Variants in MAST4 observed in about 807,000 individuals in gnomAD.
MAST4 encodes microtubule-associated serine/threonine-protein kinase 4.
In MAST4, 89 loss-of-function variants were observed where a neutral mutation model predicts 162.7. The observed-to-expected ratio is 0.55, with a 90% CI of 0.46 to 0.65. The LOEUF (loss-of-function observed/expected upper bound fraction) is 0.65. MAST4 is among the 30% of genes least tolerant of loss of function. MAST4 has a pLI of 0.00. For missense variants in MAST4, 3,153 were observed against 3,374.0 expected, an observed-to-expected ratio of 0.93 and a Z score of 1.62; for synonymous variants, 1,479 against 1,361.1, an observed-to-expected ratio of 1.09 and a Z score of -1.91.
chr5:67,002,953 T>C (rs1158650333), intron 4 of MAST4, among the ~76,000 whole-genome samples: 1 of 149,370 alleles, frequency 6.7e-6, no homozygotes, highest in Non-Finnish European at 1.5e-5. Flanking sequence ...AGCACTGGCA[T>C]CTAGTAGGTC....
At chr5:66,890,814 A>G (rs998134209) in intron 3 of MAST4, among the ~76,000 whole-genome samples, 3 of 152,208 alleles carry the variant, frequency 2.0e-5, no homozygotes, top group Non-Finnish European at 4.4e-5. Flanking sequence ...TACCAGCTCT[A>G]TGACCTTGTG....
At chr5:67,024,405 C>T (rs1170419429) in intron 4 of MAST4, among the ~76,000 whole-genome samples, 1 of 150,358 alleles carries the variant, frequency 6.7e-6, no homozygotes, top group African/African-American at 2.5e-5. Context: ...TATATGTATA[C>T]ACATACATAA....
intron 5 of MAST4, among the ~76,000 whole-genome samples, chr5:67,067,339 A>G (rs1760369533): frequency 6.6e-6 from 1 of 152,194 alleles, no homozygotes; most frequent in African/African-American, 2.4e-5. Flanking sequence ...CTCCTCATCT[A>G]TCAAATGGAA....
intron 1 of MAST4, among the ~76,000 whole-genome samples, chr5:66,676,923 CATTG>C (rs1747986243): frequency 6.6e-6 from 1 of 152,162 alleles, no homozygotes; most frequent in Non-Finnish European, 1.5e-5. Flanking sequence ...GAAAATCACA[CATTG>C]ATTCATCATC....
intron 26 of MAST4, 127 bp downstream of exon 26, chr5:67,153,707 G>A (rs1238512409): frequency 1.1e-6 from 1 of 900,892 alleles, no homozygotes; most frequent in Non-Finnish European, 1.6e-6. Flanking sequence ...TTAGTCTCAA[G>A]TTTAAAGACA....
In MAST4 at chr5:67,038,902, A is replaced by G. The variant is rs538745443; in HGVS notation, c.675-15502A>G. On this transcript the variant is annotated intron_variant, in intron 4 of 28. Transcript: ENST00000403625. Reference sequence around the variant, plus strand: ...GCCTTTTGTAATAAATAGTCACTGAAGCTAGTATCTTAAGACCCAGGGCTC... The same window carrying G: ...GCCTTTTGTAATAAATAGTCACTGAGGCTAGTATCTTAAGACCCAGGGCTC... Among the ~76,000 whole-genome samples, 146 of 152,284 alleles carry G rather than the reference A, an allele frequency of 9.6e-4. 1 individual carries two copies. Among genetic ancestry groups the G allele is most frequent in the East Asian group, 7.7e-4 (4 of 5,184 alleles).
chr5:67,026,703 G>T (rs1323484592), intron 4 of MAST4, among the ~76,000 whole-genome samples: 2 of 152,142 alleles, frequency 1.3e-5, no homozygotes, highest in African/African-American at 4.8e-5. Context: ...ATCAGCATGA[G>T]ACAGAATAAT....
At chr5:66,837,285 T>C (rs1216061969) in intron 3 of MAST4, among the ~76,000 whole-genome samples, 2 of 152,160 alleles carry the variant, frequency 1.3e-5, no homozygotes, top group Admixed American at 6.5e-5. Flanking sequence ...TTTTTCTTCA[T>C]CATTATCATC....
intron 1 of MAST4, among the ~76,000 whole-genome samples, chr5:66,606,793 A>G (rs1203178930): frequency 6.6e-6 from 1 of 152,186 alleles, no homozygotes; most frequent in Non-Finnish European, 1.5e-5. Context: ...AATACATTAC[A>G]CAAAATCGCA....
In MAST4 at chr5:66,766,691, T is replaced by G. The variant is rs192743661; in HGVS notation, c.517+6829T>G. ...TGAAATAATTCAGATTAAAGATAATTTATATAAAGTATGGCTGTTTTATGG... is the reference window on the plus strand; with the variant it reads ...TGAAATAATTCAGATTAAAGATAATGTATATAAAGTATGGCTGTTTTATGG... On this transcript the variant is annotated intron_variant, in intron 2 of 28. Transcript: ENST00000403625. Among the ~76,000 whole-genome samples the G allele has an allele frequency of 9.2e-5, 14 of 152,284 alleles. No individual in the cohort carries two copies. In the East Asian group the frequency reaches 2.5e-3, roughly 27 times the overall value.
At chr5:67,034,406 C>A (rs749857365) in intron 4 of MAST4, among the ~76,000 whole-genome samples, 1 of 152,218 alleles carries the variant, frequency 6.6e-6, no homozygotes, top group East Asian at 1.9e-4. Context: ...GTAGGGGTTA[C>A]GTAACAATGA....
chr5:67,134,771 C>A (rs1336210778), intron 18 of MAST4, 83 bp downstream of exon 18: 1 of 1,143,700 alleles, frequency 8.7e-7, no homozygotes, highest in South Asian at 1.7e-5. Flanking sequence ...ACAGTTTTTA[C>A]TACTAAAATG....
Position 67,165,338 on chromosome 5 carries a change from C to A in MAST4, c.6159C>A (p.Pro2053=), listed in dbSNP as rs759983649. 1.2e-6 allele frequency: 2 copies of A among 1,613,640 alleles called. No individual in the cohort carries two copies. Among genetic ancestry groups the A allele is most frequent in the Non-Finnish European group, 1.7e-6 (2 of 1,179,886 alleles). ...NHKDGPGEAR[P]PPRDNSSLHS... ...AAGATGGCCCAGGTGAGGCGAGGCC[C>A]CCGCCCAGAGACAACTCCTCTCTGC... The change falls in exon 29 of 29, where the codon CCC becomes CCA. Residue 2053 remains proline, a synonymous_variant. Coordinates refer to ENST00000403625, the MANE Select transcript of MAST4 (RefSeq NM_001164664.2).
chr5:66,835,391 A>G (rs1184689196), intron 3 of MAST4, among the ~76,000 whole-genome samples: 2 of 152,168 alleles, frequency 1.3e-5, no homozygotes, highest in Non-Finnish European at 2.9e-5. Flanking sequence ...ATAGCTTTCT[A>G]GATAAAATTA....
intron 1 of MAST4, among the ~76,000 whole-genome samples, chr5:66,611,196 C>T (rs1211914889): frequency 6.6e-6 from 1 of 152,170 alleles, no homozygotes; most frequent in East Asian, 1.9e-4. Flanking sequence ...TAAATTCTCT[C>T]ATGGTTTTTC....
chr5:66,626,727 A>G (rs972597870), intron 1 of MAST4, among the ~76,000 whole-genome samples: 6 of 152,200 alleles, frequency 3.9e-5, no homozygotes, highest in African/African-American at 1.4e-4. Context: ...TGAAAATGCC[A>G]TGCTGTAAGG....
chr5:66,847,834 A>AAAAAG (rs1758983339), intron 3 of MAST4, among the ~76,000 whole-genome samples: 1 of 151,028 alleles, frequency 6.6e-6, no homozygotes, highest in South Asian at 2.1e-4. Context: ...AAAAAAAAAA[A>AAAAAG]AAAAAAAAAG....
At chr5:66,797,454 G>T (rs1755705367) in intron 3 of MAST4, among the ~76,000 whole-genome samples, 1 of 152,270 alleles carries the variant, frequency 6.6e-6, no homozygotes, top group Non-Finnish European at 1.5e-5. Context: ...ATTGGCACCT[G>T]AAGCTTCAGT....
intron 3 of MAST4, among the ~76,000 whole-genome samples, chr5:66,826,083 A>G (rs1757239879): frequency 6.6e-6 from 1 of 152,108 alleles, no homozygotes; most frequent in African/African-American, 2.4e-5. Context: ...TTTTCCTTTT[A>G]CTATTCCCTC....
Sources: gnomAD v4.1 joint callset for allele counts (sites outside exome capture counted in the v4.1 genomes callset) on GRCh38, gnomAD v4.1.1 for gene constraint, MANE v1.5 for transcripts, NCBI Gene and HGNC (gene_info 2026-07-23, HGNC 2026-07-21) for gene names.